The following BCR variants were observed in gnomAD, a reference collection of about 807,000 sequenced individuals.
The protein encoded by BCR is BCR activator of RhoGEF and GTPase.
Under a neutral mutation model 138.6 loss-of-function variants are expected in BCR, and 58 were observed. The observed-to-expected ratio is 0.42, with a 90% CI of 0.34 to 0.52. The LOEUF is 0.52. Ranked by LOEUF, BCR falls within the 20% of genes least tolerant of loss-of-function variation. The probability of loss-of-function intolerance (pLI) is 0.06; values close to 1 mark genes in which losing one functional copy is unlikely to be tolerated. For missense variants in BCR, 1,599 were observed against 1,727.2 expected (o/e 0.93, Z 1.32); for synonymous variants, 786 against 730.1 (o/e 1.08, Z -1.23).
intron 16 of BCR, among the ~76,000 whole-genome samples, chr22:23,308,792 G>T (rs550405300): frequency 1.3e-5 from 2 of 152,330 alleles, no homozygotes; most frequent in South Asian, 4.1e-4. Flanking sequence ...GTGTTCGGGT[G>T]ACATTAAGGA....
At chr22:23,293,018 G>T (rs2073806138) in intron 15 of BCR, among the ~76,000 whole-genome samples, 1 of 152,078 alleles carries the variant, frequency 6.6e-6, no homozygotes, top group African/African-American at 2.4e-5. Flanking sequence ...CTGGGGCTCT[G>T]CTGGTGGGGC....
chr22:23,262,107 C>CACCATCACACCCT (rs2073367603), intron 4 of BCR: 1 of 35,636 alleles, frequency 2.8e-5, no homozygotes, highest in South Asian at 9.8e-4. Flanking sequence ...ACCCTGTGTG[C>CACCATCACACCCT]GCCATCACAC....
At chr22:23,271,248 A>G (rs2073506195) in intron 5 of BCR, among the ~76,000 whole-genome samples, 1 of 152,186 alleles carries the variant, frequency 6.6e-6, no homozygotes, top group South Asian at 2.1e-4. Context: ...GCTGCTCAGC[A>G]CCCTAAGGTG....
At chr22:23,186,606 C>T (rs1294498961) in intron 1 of BCR, among the ~76,000 whole-genome samples, 1 of 152,182 alleles carries the variant, frequency 6.6e-6, no homozygotes, top group East Asian at 1.9e-4. Flanking sequence ...CTGAATTCAG[C>T]TATTATAGAT....
intron 12 of BCR, among the ~76,000 whole-genome samples, chr22:23,289,071 G>A (rs2073752604): frequency 6.6e-6 from 1 of 152,212 alleles, no homozygotes; most frequent in South Asian, 2.1e-4. Context: ...CATTTCCAGA[G>A]TGGCAGCCTC....
At chr22:23,197,365 C>T (rs1209432538) in intron 1 of BCR, among the ~76,000 whole-genome samples, 1 of 152,178 alleles carries the variant, frequency 6.6e-6, no homozygotes, top group African/African-American at 2.4e-5. Flanking sequence ...AACATATCCC[C>T]TTTTAAGCAA....
chr22:23,198,288 G>T, intron 1 of BCR: 1 of 449,160 alleles, frequency 2.2e-6, no homozygotes, highest in Non-Finnish European at 4.4e-6. Context: ...GGCCTGCTCT[G>T]TTCCGGGGCA....
At chr22:23,249,325 C>T (rs919923688) in intron 1 of BCR, among the ~76,000 whole-genome samples, 3 of 151,260 alleles carry the variant, frequency 2.0e-5, no homozygotes, top group Non-Finnish European at 2.9e-5. Flanking sequence ...CCAGCTACTC[C>T]GGAGGCTGAG....
In BCR at chr22:23,181,100, A is replaced by C; in HGVS notation, c.140A>C (p.Gln47Pro). 1 of 1,511,462 alleles carries C rather than the reference A, an allele frequency of 6.6e-7. No individual in the cohort carries two copies. The highest frequency in any genetic ancestry group is 8.9e-7 in the Non-Finnish European group (1 of 1,123,218). 93.6% of individuals were successfully genotyped at this position (1,511,462 alleles called of 1,614,324 possible). A position where few individuals can be genotyped will look rare whatever the true frequency, so the allele number is the denominator to read the frequency against. Residue 47 changes from glutamine to proline, a missense_variant, in exon 1 of 23, where the codon CAG becomes CCG. Transcript: ENST00000305877. ...AAGGCCTCCATTCGGCGCCTGGAGC[A>C]GGAGGTGAACCAGGAGCGCTTCCGC... ...RCKASIRRLE[Q>P]EVNQERFRMI...
At chr22:23,284,506 C>G (rs2073688297) in intron 9 of BCR, among the ~76,000 whole-genome samples, 1 of 152,158 alleles carries the variant, frequency 6.6e-6, no homozygotes, top group South Asian at 2.1e-4. Context: ...TCCCTGGGTT[C>G]ACCCAGGTTG....
In BCR at chr22:23,184,822, T is replaced by C. The variant is rs551473103; in HGVS notation, c.1279+2583T>C. ...CAGGCATGGAAAGAGGAATCCTCACTGGCTCAGCCATCTGTCTCTGCCTGT... is the reference window on the plus strand; with the variant it reads ...CAGGCATGGAAAGAGGAATCCTCACCGGCTCAGCCATCTGTCTCTGCCTGT... On this transcript the variant is annotated intron_variant, in intron 1 of 22. Coordinates refer to ENST00000305877, the MANE Select transcript of BCR (RefSeq NM_004327.4). 1.6e-3 allele frequency among the ~76,000 whole-genome samples: 244 copies of C among 151,812 alleles called. 3 individuals are homozygous for C. The highest frequency in any genetic ancestry group is 3.7e-4 in the Non-Finnish European group (25 of 67,882).
chr22:23,271,970 C>T (rs1428556871), intron 6 of BCR, among the ~76,000 whole-genome samples: 1 of 151,992 alleles, frequency 6.6e-6, no homozygotes, highest in Non-Finnish European at 1.5e-5. Context: ...GGATTACAGG[C>T]ACACACCACC....
chr22:23,211,284 G>A (rs894550061), intron 1 of BCR, among the ~76,000 whole-genome samples: 1 of 151,910 alleles, frequency 6.6e-6, no homozygotes, highest in African/African-American at 2.4e-5. Context: ...TGCAAGCTCC[G>A]CCTCCCGGGT....
intron 8 of BCR, chr22:23,283,330 G>A (rs1194955431): frequency 6.6e-6 from 1 of 152,312 alleles, no homozygotes; most frequent in East Asian, 1.9e-4. Context: ...GGAGGACTAG[G>A]AGTTCCACAT....
chr22:23,232,137 A>C (rs1473082811), intron 1 of BCR, among the ~76,000 whole-genome samples: 1 of 152,252 alleles, frequency 6.6e-6, no homozygotes, highest in African/African-American at 2.4e-5. Context: ...GTGTTTGGCC[A>C]AGGACAGGGC....
intron 8 of BCR, among the ~76,000 whole-genome samples, chr22:23,281,827 A>G (rs995462406): frequency 6.8e-4 from 103 of 152,300 alleles, no homozygotes; most frequent in African/African-American, 1.8e-3. Flanking sequence ...CAACGTGGCA[A>G]GCCGGCATGT....
intron 16 of BCR, among the ~76,000 whole-genome samples, chr22:23,305,777 CAG>C (rs1426531421): frequency 1.3e-5 from 2 of 152,206 alleles, no homozygotes; most frequent in Non-Finnish European, 2.9e-5. Context: ...TGCATGTGAG[CAG>C]ACAGACCCCT....
At chr22:23,233,872 G>T (rs2072990717) in intron 1 of BCR, among the ~76,000 whole-genome samples, 1 of 151,852 alleles carries the variant, frequency 6.6e-6, no homozygotes, top group African/African-American at 2.4e-5. Context: ...CCAGCCAGGG[G>T]CCCATGGAGA....
chr22:23,259,880 T>G (rs1307765075), intron 2 of BCR, among the ~76,000 whole-genome samples: 10 of 152,006 alleles, frequency 6.6e-5, no homozygotes, highest in Non-Finnish European at 2.9e-5. Context: ...CCCAGCTACT[T>G]GGGAGGCTCA....
Sources: allele counts gnomAD v4.1 joint callset (sites outside exome capture counted in the v4.1 genomes callset), GRCh38; gene constraint gnomAD v4.1.1; transcripts MANE v1.5; gene names NCBI Gene and HGNC (gene_info 2026-07-23, HGNC 2026-07-21).